PDE8B: variants seen among roughly 807,000 people sequenced by gnomAD.
PDE8B encodes phosphodiesterase 8B, also known as high affinity cAMP-specific and IBMX-insensitive 3',5'-cyclic phosphodiesterase 8B.
In PDE8B, 26 loss-of-function variants were observed where a neutral mutation model predicts 101.3. That is an observed-to-expected ratio of 0.26 (90% confidence interval 0.19 to 0.36). The LOEUF is 0.36. PDE8B is among the 10% of genes least tolerant of loss of function. The pLI is 1.00. For missense variants in PDE8B, 810 were observed against 1,163.1 expected, an observed-to-expected ratio of 0.70 and a Z score of 4.42; for synonymous variants, 424 against 429.3, an observed-to-expected ratio of 0.99 and a Z score of 0.15.
chr5:77,189,026 C>T, the PDE8B span, among the ~76,000 whole-genome samples: 1 of 152,160 alleles, frequency 6.6e-6, no homozygotes, highest in Non-Finnish European at 1.5e-5. Flanking sequence ...CCCCTAAGCC[C>T]TTCCCTCTGC....
At chr5:77,174,701 T>C in the PDE8B span, among the ~76,000 whole-genome samples, 1 of 152,170 alleles carries the variant, frequency 6.6e-6, no homozygotes, top group African/African-American at 2.4e-5. Context: ...TCTCCTCCGC[T>C]GCGTGACCTT....
the PDE8B span, among the ~76,000 whole-genome samples, chr5:77,180,994 G>C: frequency 6.9e-6 from 1 of 145,748 alleles, no homozygotes; most frequent in East Asian, 2.5e-4. Context: ...GTGTGTGTGT[G>C]TGTGTGTTTG....
chr5:77,339,165 T>G (rs539841367), intron 6 of PDE8B, among the ~76,000 whole-genome samples: 2 of 152,202 alleles, frequency 1.3e-5, no homozygotes, highest in Non-Finnish European at 2.9e-5. Flanking sequence ...TTCAGAACTT[T>G]GCAAGTTTCT....
intron 12 of PDE8B, 134 bp downstream of exon 12, chr5:77,404,931 C>T: frequency 1.5e-6 from 1 of 673,042 alleles, no homozygotes; most frequent in Middle Eastern, 3.4e-4. Context: ...TCAATAAGCT[C>T]AAAGGTTTTA....
Position 77,427,908 on chromosome 5 carries a change from ATTAC to A in PDE8B, c.*1357_*1360del, listed in dbSNP as rs1335700885. The stretch of plus-strand genomic sequence containing the variant: ...AGAGACTGAATTAATTGAATCAGTA[ATTAC>A]TTTTTTCCAATACAAATTGGAATGC... On this transcript the variant is annotated 3_prime_UTR_variant, in exon 22 of 22. Transcript: ENST00000264917. The A allele has an allele frequency of 1.3e-5, 2 of 152,224 alleles. No individual in the cohort carries two copies. Among genetic ancestry groups the A allele is most frequent in the Non-Finnish European group, 2.9e-5 (2 of 68,048 alleles). The allele number at this position is 152,224 out of a possible 1,614,324, so 9.4% of individuals were successfully genotyped here. A position where few individuals can be genotyped will look rare whatever the true frequency, so the allele number is the denominator to read the frequency against.
At chr5:77,389,634 GTCTA>G (rs2150904215) in intron 10 of PDE8B, among the ~76,000 whole-genome samples, 1 of 152,196 alleles carries the variant, frequency 6.6e-6, no homozygotes, top group Non-Finnish European at 1.5e-5. Flanking sequence ...CCCCTTCACA[GTCTA>G]TCTCTGTCCA....
chr5:77,226,039 G>A (rs975607894), intron 1 of PDE8B, among the ~76,000 whole-genome samples: 1 of 152,162 alleles, frequency 6.6e-6, no homozygotes, highest in Non-Finnish European at 1.5e-5. Context: ...GTTTAAATCA[G>A]TTCTTTTTTA....
In PDE8B at chr5:77,426,489, TACAA is replaced by T; in HGVS notation, c.2597_2600del (p.Lys866ThrfsTer5). On this transcript the variant is annotated frameshift_variant, in exon 22 of 22. Coordinates refer to ENST00000264917, the MANE Select transcript of PDE8B (RefSeq NM_003719.5). LOFTEE classifies it high-confidence loss of function. ...CCTGATGCAACATTTGGCTGACAAC[TACAA>T]ACACTGGAAGACACTAGATGACCTA... is the stretch of plus-strand genomic sequence containing the variant. 1 of 1,613,834 alleles carries T rather than the reference TACAA, an allele frequency of 6.2e-7. No homozygotes were observed.
chr5:77,258,505 T>G lies in PDE8B; in HGVS notation c.339+47241T>G, dbSNP rs572905426. Among the ~76,000 whole-genome samples the G allele has an allele frequency of 3.9e-5, 6 of 152,236 alleles. No homozygotes were observed. In the South Asian group the frequency reaches 1.2e-3, roughly 32 times the overall value. Reference sequence around the variant, plus strand: ...ATTTAATATTTAATCATTAGCTGTATCTTAGAATTTCTCCACAGCCTAAAA... The same window carrying G: ...ATTTAATATTTAATCATTAGCTGTAGCTTAGAATTTCTCCACAGCCTAAAA... On this transcript the variant is annotated intron_variant, in intron 1 of 21. Transcript: ENST00000264917.
intron 10 of PDE8B, among the ~76,000 whole-genome samples, chr5:77,359,307 G>A (rs1002138872): frequency 1.3e-5 from 2 of 152,198 alleles, no homozygotes; most frequent in Admixed American, 6.5e-5. Context: ...CTGAGAGGGG[G>A]CTCTCTTGGC....
chr5:77,363,931 C>T (rs1783628699), intron 10 of PDE8B, among the ~76,000 whole-genome samples: 1 of 152,122 alleles, frequency 6.6e-6, no homozygotes, highest in South Asian at 2.1e-4. Context: ...CCTCCAGGTG[C>T]TTCAGGGTCC....
the PDE8B span, among the ~76,000 whole-genome samples, chr5:77,122,930 C>T: frequency 6.6e-6 from 1 of 152,166 alleles, no homozygotes; most frequent in African/African-American, 2.4e-5. Context: ...TGTAGGCTTT[C>T]TGCCTGCAGG....
At position 77,331,397 on chromosome 5, in the gene PDE8B, T is replaced by C; in HGVS notation, c.651-5T>C. 1 of 1,613,396 alleles carries C rather than the reference T, an allele frequency of 6.2e-7. No individual in the cohort carries two copies. The highest frequency in any genetic ancestry group is 1.3e-5 in the African/African-American group (1 of 75,024). On this transcript the variant is annotated splice_region_variant and splice_polypyrimidine_tract_variant and intron_variant, in intron 4 of 21. Transcript: ENST00000264917. ...TGAGTGACCACATTTTCTGCTTTGC[T>C]GCAGATCGGATGACCATGAAGAGGC...
At chr5:77,190,569 A>T in the PDE8B span, among the ~76,000 whole-genome samples, 3 of 152,232 alleles carry the variant, frequency 2.0e-5, no homozygotes, top group Non-Finnish European at 4.4e-5. Flanking sequence ...AGAGAAAGCA[A>T]TTGCTTCACT....
At chr5:77,287,646 C>T (rs896525931) in intron 1 of PDE8B, among the ~76,000 whole-genome samples, 5 of 151,586 alleles carry the variant, frequency 3.3e-5, no homozygotes, top group Admixed American at 2.6e-4. Context: ...TTATATTTGC[C>T]ATCCTTTTGT....
At chr5:77,271,210 G>T (rs1762730975) in intron 1 of PDE8B, among the ~76,000 whole-genome samples, 1 of 152,222 alleles carries the variant, frequency 6.6e-6, no homozygotes, top group South Asian at 2.1e-4. Context: ...TGGTACATAT[G>T]GTTCCTTTTC....
At chr5:77,385,644 T>C (rs575202819) in intron 10 of PDE8B, among the ~76,000 whole-genome samples, 2 of 152,268 alleles carry the variant, frequency 1.3e-5, no homozygotes, top group African/African-American at 2.4e-5. Flanking sequence ...CTGCTTTAAA[T>C]GTGTCCCAGA....
intron 7 of PDE8B, 110 bp from the exon 8 acceptor site, chr5:77,349,309 T>C (rs1780675093): frequency 2.1e-6 from 3 of 1,434,392 alleles, no homozygotes; most frequent in Admixed American, 3.4e-5. Context: ...TGGGAACTTC[T>C]TGCTTGATAT....
rs1793117693 is a variant in PDE8B at position 77,404,880 on chromosome 5, A to G, written c.1288+83A>G. The G allele has an allele frequency of 3.5e-6, 3 of 863,484 alleles. No homozygotes were observed. The Admixed American group carries it at 5.6e-5, about 16-fold the overall frequency. The allele number at this position is 863,484 out of a possible 1,614,324, so 53.5% of individuals were successfully genotyped here. ...TATGTTAAAAAATTCATCAGCGTAT[A>G]AACTCCAAAGAGTAAGAGTTCAACA... On this transcript the variant is annotated intron_variant, in intron 12 of 21. Coordinates refer to ENST00000264917, the MANE Select transcript of PDE8B (RefSeq NM_003719.5).
Sources: allele counts gnomAD v4.1 joint callset (sites outside exome capture counted in the v4.1 genomes callset), GRCh38; gene constraint gnomAD v4.1.1; transcripts MANE v1.5; gene names NCBI Gene and HGNC (gene_info 2026-07-23, HGNC 2026-07-21).